PCDHGB5: variants seen among roughly 807,000 people sequenced by gnomAD.
PCDHGB5 encodes protocadherin gamma subfamily B, 5.
In PCDHGB5, 48 loss-of-function variants were observed where a neutral mutation model predicts 62.9. The observed-to-expected ratio is 0.76, with a 90% CI of 0.61 to 0.97. The LOEUF (loss-of-function observed/expected upper bound fraction) is 0.97. Among genes scored for constraint, PCDHGB5 ranks in the 50% least tolerant of loss-of-function variants. The pLI, the probability that PCDHGB5 is intolerant of heterozygous loss-of-function variation, is 0.00. For missense variants in PCDHGB5, 1,118 were observed against 1,198.6 expected, an observed-to-expected ratio of 0.93 and a Z score of 0.99; for synonymous variants, 474 against 511.2, an observed-to-expected ratio of 0.93 and a Z score of 0.98.
chr5:141,460,726 A>G lies in PCDHGB5; in HGVS notation c.2398-34081A>G, dbSNP rs545089217. ...GAGAATAAACTATTGTTATAAGCAT[A>G]TATACACATTGTATATATATGTGTA... On this transcript the variant is annotated intron_variant, in intron 1 of 3. Coordinates refer to ENST00000617380, the MANE Select transcript of PCDHGB5 (RefSeq NM_018925.3). Among the ~76,000 whole-genome samples the G allele has an allele frequency of 6.6e-5, 10 of 152,252 alleles. No homozygotes were observed. In the East Asian group the frequency reaches 1.9e-3, roughly 29 times the overall value.
Position 141,421,724 on chromosome 5 carries a change from A to G in PCDHGB5, c.2397+21200A>G, listed in dbSNP as rs541532003. On this transcript the variant is annotated intron_variant, in intron 1 of 3. Transcript: ENST00000617380. ...GCTAGGGATCCAGATGTGGGCGTGA[A>G]CTCCCTCCAGAGCTACCAGCTCAGC... 250 of 1,613,766 alleles carry G rather than the reference A, an allele frequency of 1.5e-4. 5 individuals are homozygous for G. The South Asian group carries it at 2.6e-3, about 17-fold the overall frequency.
In PCDHGB5 at chr5:141,400,431, A is replaced by G. The variant is rs542969819; in HGVS notation, c.2304A>G (p.Gln768=). 48 of 1,614,034 alleles carry G rather than the reference A, an allele frequency of 3.0e-5. No homozygotes were observed. Among genetic ancestry groups the G allele is most frequent in the African/African-American group, 1.1e-4 (8 of 75,058 alleles). Reference sequence around the variant, plus strand: ...TTAATTTCCTAAAATGTAGTGAGCAATTGAGTTCAGGACAAGACATACTTT... The same window carrying G: ...TTAATTTCCTAAAATGTAGTGAGCAGTTGAGTTCAGGACAAGACATACTTT... The part of the protein sequence containing the change: ...TEFNFLKCSE[Q]LSSGQDILCG... The change falls in exon 1 of 4, where the codon CAA becomes CAG. Residue 768 remains glutamine, a synonymous_variant. Transcript: ENST00000617380.
chr5:141,429,314 C>A (rs1463397731), intron 1 of PCDHGB5, among the ~76,000 whole-genome samples: 2 of 151,722 alleles, frequency 1.3e-5, no homozygotes, highest in Admixed American at 6.6e-5. Flanking sequence ...GTATATAAGG[C>A]TTTTTCTTTA....
intron 1 of PCDHGB5, among the ~76,000 whole-genome samples, chr5:141,435,451 CTGTA>C: frequency 6.6e-6 from 1 of 152,258 alleles, no homozygotes; most frequent in Non-Finnish European, 1.5e-5. Context: ...AATACGATAT[CTGTA>C]TGTGTTTCCA....
At chr5:141,494,181 C>T (rs2099752517) in intron 1 of PCDHGB5, among the ~76,000 whole-genome samples, 1 of 152,136 alleles carries the variant, frequency 6.6e-6, no homozygotes, top group Non-Finnish European at 1.5e-5. Flanking sequence ...GAGAAGTGTC[C>T]CGGGACTTGG....
At chr5:141,453,093 C>A (rs1408495535) in intron 1 of PCDHGB5, among the ~76,000 whole-genome samples, 1 of 151,928 alleles carries the variant, frequency 6.6e-6, no homozygotes, top group African/African-American at 2.4e-5. Context: ...AGTATATTTT[C>A]TGTTGCTTTT....
intron 1 of PCDHGB5, among the ~76,000 whole-genome samples, chr5:141,400,828 A>G (rs2094080616): frequency 6.6e-6 from 1 of 152,184 alleles, no homozygotes. Context: ...TCGTTGTCTC[A>G]TTCTTTAACA....
intron 1 of PCDHGB5, chr5:141,441,653 G>T: frequency 4.1e-6 from 1 of 243,884 alleles, no homozygotes; most frequent in Non-Finnish European, 8.2e-6. Context: ...GATTCTAGGT[G>T]TCCTTGAGCG....
intron 2 of PCDHGB5, among the ~76,000 whole-genome samples, chr5:141,503,077 T>C (rs902429288): frequency 6.6e-6 from 1 of 151,810 alleles, no homozygotes; most frequent in African/African-American, 2.4e-5. Flanking sequence ...ATGGTCTCGA[T>C]CTCCTGACCT....
chr5:141,415,499 C>G (rs2095876120), intron 1 of PCDHGB5: 1 of 1,614,098 alleles, frequency 6.2e-7, no homozygotes, highest in Non-Finnish European at 8.5e-7. Context: ...CTGATCTTCC[C>G]CCAGCCCAAT....
At chr5:141,423,837 A>G (rs73792199) in intron 1 of PCDHGB5, 16,285 of 1,277,458 alleles carry the variant, frequency 0.013, 610 homozygotes, top group African/African-American at 0.098. Context: ...TGAGATTACG[A>G]TAATCTTTCA....
At chr5:141,421,783 A>G in intron 1 of PCDHGB5, 1 of 1,613,882 alleles carries the variant, frequency 6.2e-7, no homozygotes, top group East Asian at 2.2e-5. Flanking sequence ...ACTGCGGGGC[A>G]GAACGGATGG....
intron 1 of PCDHGB5, chr5:141,412,510 T>G (rs1007512416): frequency 6.6e-6 from 1 of 152,204 alleles, no homozygotes; most frequent in Non-Finnish European, 1.5e-5. Flanking sequence ...ATAAGTTTAA[T>G]GAATTAAGTA....
chr5:141,501,314 C>G, intron 2 of PCDHGB5, among the ~76,000 whole-genome samples: 1 of 151,728 alleles, frequency 6.6e-6, no homozygotes, highest in Non-Finnish European at 1.5e-5. Flanking sequence ...CACACACACA[C>G]ACACACACAC....
chr5:141,508,826 C>T (rs2099872187), intron 3 of PCDHGB5, among the ~76,000 whole-genome samples: 1 of 152,092 alleles, frequency 6.6e-6, no homozygotes, highest in South Asian at 2.1e-4. Context: ...AGATCTGGGC[C>T]CCCCTCCCCT....
chr5:141,503,214 T>C (rs994291483), intron 2 of PCDHGB5, among the ~76,000 whole-genome samples: 7 of 152,096 alleles, frequency 4.6e-5, no homozygotes, highest in African/African-American at 1.7e-4. Flanking sequence ...GTGCCCACCA[T>C]GAGCACCGTA....
intron 1 of PCDHGB5, chr5:141,403,221 T>G (rs899056141): frequency 1.3e-5 from 21 of 1,613,974 alleles, no homozygotes; most frequent in Non-Finnish European, 1.8e-5. Flanking sequence ...GCGGGTAGGA[T>G]AGACCGGGAG....
Position 141,398,647 on chromosome 5 carries a change from C to T in PCDHGB5, c.520C>T (p.Leu174Phe). ...LNSLQKYKLS[L>F]NPSFSLIIKE... Reference sequence around the variant, plus strand: ...CTCTCTGCAGAAGTATAAACTCTCTCTTAACCCAAGTTTCTCATTAATAAT... The same window carrying T: ...CTCTCTGCAGAAGTATAAACTCTCTTTTAACCCAAGTTTCTCATTAATAAT... The change falls in exon 1 of 4, where the codon CTT (leucine) becomes TTT (phenylalanine). Residue 174 changes from leucine (L) to phenylalanine (F), a missense_variant. Leu to Phe is a conservative substitution (Grantham distance 22). Coordinates refer to ENST00000617380, the MANE Select transcript of PCDHGB5 (RefSeq NM_018925.3). 1 of 1,614,070 alleles carries T rather than the reference C, an allele frequency of 6.2e-7. No homozygotes were observed. Among genetic ancestry groups the T allele is most frequent in the Non-Finnish European group, 8.5e-7 (1 of 1,179,900 alleles).
rs1239203203 is a variant in PCDHGB5 at position 141,403,933 on chromosome 5, G to T, written c.2397+3409G>T. 1.7e-5 allele frequency: 27 copies of T among 1,613,792 alleles called. No homozygotes were observed. The highest frequency in any genetic ancestry group is 1.6e-4 in the African/African-American group (12 of 74,902). ...TACAAGCTGAAGATGGTGGGGGATT[G>T]AAAGGGTGGACAAAAGTGCTCATTT... On this transcript the variant is annotated intron_variant, in intron 1 of 3. Transcript: ENST00000617380.
Sources: gnomAD v4.1 joint callset for allele counts (sites outside exome capture counted in the v4.1 genomes callset) on GRCh38, gnomAD v4.1.1 for gene constraint, MANE v1.5 for transcripts, NCBI Gene and HGNC (gene_info 2026-07-23, HGNC 2026-07-21) for gene names.